KCNQ1OT1: variants seen among roughly 807,000 people sequenced by gnomAD.
The protein encoded by KCNQ1OT1 is KCNQ1 opposite strand/antisense transcript 1.
At chr11:2,641,417 T>C in exon 1 of KCNQ1OT1, 1 of 398,464 alleles carries the variant, frequency 2.5e-6, no homozygotes, top group Non-Finnish European at 4.4e-6. Context: ...ATATACCTGT[T>C]GGCTACTTGT....
At chr11:2,629,606 G>T (rs1179939903) in exon 1 of KCNQ1OT1, 9 of 398,308 alleles carry the variant, frequency 2.3e-5, no homozygotes, top group African/African-American at 4.1e-5. Context: ...GCCATTGAAT[G>T]GACATGGCAT....
exon 1 of KCNQ1OT1, chr11:2,655,970 C>G (rs1412662201): frequency 2.5e-6 from 1 of 398,614 alleles, no homozygotes; most frequent in African/African-American, 2.1e-5. Flanking sequence ...CCCACCCACT[C>G]TGGGCAGCCA....
At position 2,658,126 on chromosome 11, in the gene KCNQ1OT1, A is replaced by G. The variant is rs1474388024; in HGVS notation, n.41869T>C. The G allele has an allele frequency of 2.0e-5, 8 of 398,492 alleles. No homozygotes were observed. The Admixed American group carries it at 3.1e-4, about 15-fold the overall frequency. 24.7% of individuals were successfully genotyped at this position (398,492 alleles called of 1,614,324 possible). On this transcript the variant is annotated non_coding_transcript_exon_variant, in exon 1 of 1. Transcript: ENST00000597346. This position sits in a 1 kb window ranked among gnomAD's most constrained non-coding sequence, Gnocchi z 4.9. Reference sequence around the variant, plus strand: ...GGAGAGTATCAAAAAAAATCTGCAAATATGTTAAAACTACCACAGCAATTA... The same window carrying G: ...GGAGAGTATCAAAAAAAATCTGCAAGTATGTTAAAACTACCACAGCAATTA...
chr11:2,680,943 G>A (rs2133880474), exon 1 of KCNQ1OT1: 1 of 398,522 alleles, frequency 2.5e-6, no homozygotes, highest in South Asian at 1.3e-4. Context: ...AAAGCTGATG[G>A]ACACTATTTA....
chr11:2,646,144 C>T (rs915698626), exon 1 of KCNQ1OT1: 5 of 398,440 alleles, frequency 1.3e-5, no homozygotes, highest in African/African-American at 1.0e-4. Context: ...AGTTGAATTC[C>T]AGCATTCTCT....
Position 2,642,025 on chromosome 11 carries a change from A to C in KCNQ1OT1, n.57970T>G, listed in dbSNP as rs912911213. Reference sequence around the variant, plus strand: ...CCAATACCATGCTGCTTTTAATGCTATAGCCTTATATTTTTAAATCAGGCA... The same window carrying C: ...CCAATACCATGCTGCTTTTAATGCTCTAGCCTTATATTTTTAAATCAGGCA... On this transcript the variant is annotated non_coding_transcript_exon_variant, in exon 1 of 1. Coordinates refer to ENST00000597346, the Ensembl canonical transcript of KCNQ1OT1. This position sits in a 1 kb window ranked among gnomAD's most constrained non-coding sequence, Gnocchi z 4.3. The C allele has an allele frequency of 2.5e-6, 1 of 398,218 alleles. No individual in the cohort carries two copies. The highest frequency in any genetic ancestry group is 2.1e-5 in the African/African-American group (1 of 48,618). 24.7% of individuals were successfully genotyped at this position (398,218 alleles called of 1,614,324 possible). A position where few individuals can be genotyped will look rare whatever the true frequency, so the allele number is the denominator to read the frequency against.
chr11:2,615,578 T>G (rs1849047322), exon 1 of KCNQ1OT1: 2 of 398,072 alleles, frequency 5.0e-6, no homozygotes, highest in East Asian at 3.6e-5. Context: ...AGTTCCATGT[T>G]TTTATCCTGA....
chr11:2,613,924 C>T lies in KCNQ1OT1; in HGVS notation n.86071G>A. The T allele has an allele frequency of 2.5e-6, 1 of 398,552 alleles. No homozygotes were observed. Among genetic ancestry groups the T allele is most frequent in the Non-Finnish European group, 4.4e-6 (1 of 226,036 alleles). 24.7% of individuals were successfully genotyped at this position (398,552 alleles called of 1,614,324 possible). A position where few individuals can be genotyped will look rare whatever the true frequency, so the allele number is the denominator to read the frequency against. ...AAAAAAGTACTATTCTGTATATGCCCTTTTGAACTTTGCTTTTCTCACCTA... is the reference window on the plus strand; with the variant it reads ...AAAAAAGTACTATTCTGTATATGCCTTTTTGAACTTTGCTTTTCTCACCTA... On this transcript the variant is annotated non_coding_transcript_exon_variant, in exon 1 of 1. Coordinates refer to ENST00000597346, the Ensembl canonical transcript of KCNQ1OT1. This position sits in a 1 kb window ranked among gnomAD's most constrained non-coding sequence, Gnocchi z 4.8.
chr11:2,635,341 C>A (rs9667408), exon 1 of KCNQ1OT1: 1 of 150,856 alleles, frequency 6.6e-6, no homozygotes, highest in Non-Finnish European at 1.5e-5. Context: ...TTTAATCCAT[C>A]TTGAATTAAT....
exon 1 of KCNQ1OT1, chr11:2,680,871 T>C (rs369249638): frequency 2.5e-6 from 1 of 398,638 alleles, no homozygotes. Flanking sequence ...CCCTGAAGAT[T>C]CACCCAGGTT....
At position 2,623,958 on chromosome 11, in the gene KCNQ1OT1, CCACCAGGGCTG is replaced by C. The variant is rs1435826240; in HGVS notation, n.76026_76036del. 3.0e-5 allele frequency: 12 copies of C among 398,538 alleles called. No homozygotes were observed. Among genetic ancestry groups the C allele is most frequent in the African/African-American group, 6.2e-5 (3 of 48,628 alleles). The allele number at this position is 398,538 out of a possible 1,614,324, so 24.7% of individuals were successfully genotyped here. On this transcript the variant is annotated non_coding_transcript_exon_variant, in exon 1 of 1. Transcript: ENST00000597346. This position sits in a 1 kb window ranked among gnomAD's most constrained non-coding sequence, Gnocchi z 5.2. Reference sequence around the variant, plus strand: ...CTTTGAAGAACCACCAAACTCTTCTCCACCAGGGCTGCACCACTTTACATTCCCATTAATGG... The same window carrying C: ...CTTTGAAGAACCACCAAACTCTTCTCCACCACTTTACATTCCCATTAATGG...
exon 1 of KCNQ1OT1, chr11:2,697,158 G>A (rs779604217): frequency 1.7e-4 from 66 of 398,466 alleles, no homozygotes; most frequent in Non-Finnish European, 2.6e-4. Context: ...AGTGGAATAT[G>A]TGCTTGTATA....
exon 1 of KCNQ1OT1, chr11:2,649,836 T>C (rs1849730439): frequency 2.5e-6 from 1 of 398,432 alleles, no homozygotes; most frequent in South Asian, 1.3e-4. Context: ...AGTCTCTTTC[T>C]CTCCCAAACT....
In KCNQ1OT1 at chr11:2,617,610, T is replaced by C. The variant is rs1849088412; in HGVS notation, n.82385A>G. ...GGGATTAGTGGGTCAGATGATAGTA[T>C]ATTTTCAATTTCTTTAGGAGCCACC... On this transcript the variant is annotated non_coding_transcript_exon_variant, in exon 1 of 1. Transcript: ENST00000597346. This position sits in a 1 kb window ranked among gnomAD's most constrained non-coding sequence, Gnocchi z 4.6. 1 of 398,358 alleles carries C rather than the reference T, an allele frequency of 2.5e-6. No homozygotes were observed. Among genetic ancestry groups the C allele is most frequent in the South Asian group, 1.3e-4 (1 of 7,860 alleles). The allele number at this position is 398,358 out of a possible 1,614,324, so 24.7% of individuals were successfully genotyped here.
At chr11:2,637,297 C>T (rs1412421170) in exon 1 of KCNQ1OT1, 4 of 152,072 alleles carry the variant, frequency 2.6e-5, no homozygotes, top group African/African-American at 9.7e-5. Context: ...TAGATTTTTC[C>T]TGCTTTCTCT....
chr11:2,651,379 G>A lies in KCNQ1OT1; in HGVS notation n.48616C>T. 2 of 398,728 alleles carry A rather than the reference G, an allele frequency of 5.0e-6. No individual in the cohort carries two copies. Among genetic ancestry groups the A allele is most frequent in the Non-Finnish European group, 8.8e-6 (2 of 226,148 alleles). The allele number at this position is 398,728 out of a possible 1,614,324, so 24.7% of individuals were successfully genotyped here. A position where few individuals can be genotyped will look rare whatever the true frequency, so the allele number is the denominator to read the frequency against. On this transcript the variant is annotated non_coding_transcript_exon_variant, in exon 1 of 1. Coordinates refer to ENST00000597346, the Ensembl canonical transcript of KCNQ1OT1. This position sits in a 1 kb window ranked among gnomAD's most constrained non-coding sequence, Gnocchi z 6.1. ...TATTTATCTTTCACTAGTGAGTGCT[G>A]CCCCGGTGGTGGCTCACTTTCCATT...
exon 1 of KCNQ1OT1, chr11:2,666,879 A>T (rs998621005): frequency 2.5e-6 from 1 of 398,572 alleles, no homozygotes; most frequent in Admixed American, 4.4e-5. Context: ...AGAACAGATG[A>T]GACCATTTTG....
Position 2,663,502 on chromosome 11 carries a change from G to A in KCNQ1OT1, n.36493C>T, listed in dbSNP as rs1850006843. ...TGTTGTGTGCAATACAGGTGGCAGTGCCTGTATTGCCTCTTGGCTGTCCCC... is the reference window on the plus strand; with the variant it reads ...TGTTGTGTGCAATACAGGTGGCAGTACCTGTATTGCCTCTTGGCTGTCCCC... On this transcript the variant is annotated non_coding_transcript_exon_variant, in exon 1 of 1. Transcript: ENST00000597346. The surrounding 1 kb of genome is among the most constrained non-coding windows in gnomAD (Gnocchi z 5.2). 1.5e-5 allele frequency: 6 copies of A among 398,682 alleles called. No individual in the cohort carries two copies. The highest frequency in any genetic ancestry group is 2.7e-5 in the Non-Finnish European group (6 of 226,084). The allele number at this position is 398,682 out of a possible 1,614,324, so 24.7% of individuals were successfully genotyped here.
exon 1 of KCNQ1OT1, chr11:2,632,197 A>G (rs910684952): frequency 5.0e-6 from 2 of 397,976 alleles, no homozygotes; most frequent in Non-Finnish European, 8.9e-6. Flanking sequence ...AAAAAAAAAA[A>G]AAAAAAGAAA....
Sources: allele counts gnomAD v4.1 joint callset, GRCh38; gene constraint gnomAD v4.1.1; non-coding constraint Gnocchi (gnomAD v3.1); transcripts MANE v1.5; gene names NCBI Gene and HGNC (gene_info 2026-07-23, HGNC 2026-07-21).